ARHGAP17: variants seen among roughly 807,000 people sequenced by gnomAD.
The protein encoded by ARHGAP17 is rho GTPase-activating protein 17.
Under a neutral mutation model 99.5 loss-of-function variants are expected in ARHGAP17, and 57 were observed. The ratio of observed to expected loss-of-function variants is 0.57; its 90% CI spans 0.46 to 0.71. The LOEUF is 0.71. ARHGAP17 is among the 30% of genes least tolerant of loss of function. The pLI is 0.00. For synonymous variants in ARHGAP17, 417 were observed against 429.6 expected, an observed-to-expected ratio of 0.97 and a Z score of 0.36; for missense variants, 1,000 against 1,122.4, an observed-to-expected ratio of 0.89 and a Z score of 1.56.
intron 17 of ARHGAP17, chr16:24,936,276 A>T (rs2051136542): frequency 6.4e-6 from 1 of 156,388 alleles, no homozygotes; most frequent in South Asian, 1.9e-4. Flanking sequence ...CAGGATAGAG[A>T]TCAGAATTCA....
intron 19 of ARHGAP17, among the ~76,000 whole-genome samples, chr16:24,923,346 C>T (rs1335049860): frequency 1.3e-5 from 2 of 152,136 alleles, no homozygotes; most frequent in Non-Finnish European, 2.9e-5. Flanking sequence ...CTGTAAGAAC[C>T]TGGTTTGTCT....
chr16:24,975,961 T>C (rs953931517), intron 3 of ARHGAP17, among the ~76,000 whole-genome samples: 3 of 152,078 alleles, frequency 2.0e-5, no homozygotes, highest in African/African-American at 7.2e-5. Context: ...TCTATACTAG[T>C]ATCCTGATTT....
chr16:24,932,624 G>C (rs1289745818), intron 18 of ARHGAP17, among the ~76,000 whole-genome samples: 1 of 152,114 alleles, frequency 6.6e-6, no homozygotes, highest in Non-Finnish European at 1.5e-5. Context: ...TGAGTTAATA[G>C]ATATGTCCTG....
At chr16:24,970,643 T>C in intron 3 of ARHGAP17, 63 bp from the exon 4 acceptor site, 1 of 1,434,318 alleles carries the variant, frequency 7.0e-7, no homozygotes, top group South Asian at 1.1e-5. Context: ...AATGATCTTT[T>C]TCAGATCATC....
chr16:24,969,062 A>G (rs539605017), intron 4 of ARHGAP17, among the ~76,000 whole-genome samples: 1 of 152,228 alleles, frequency 6.6e-6, no homozygotes, highest in Non-Finnish European at 1.5e-5. Flanking sequence ...AGTCAGGTGA[A>G]AGCCAAGTGT....
intron 1 of ARHGAP17, among the ~76,000 whole-genome samples, chr16:25,014,458 G>A (rs1302754837): frequency 6.6e-6 from 1 of 152,210 alleles, no homozygotes; most frequent in African/African-American, 2.4e-5. Flanking sequence ...AACGTTTCTT[G>A]TTAAGCACTT....
chr16:25,007,147 GATAA>G (rs1240733150), intron 1 of ARHGAP17, among the ~76,000 whole-genome samples: 1 of 152,160 alleles, frequency 6.6e-6, no homozygotes, highest in Non-Finnish European at 1.5e-5. Flanking sequence ...CCTTTTCCAA[GATAA>G]ATAAGTTTAA....
At position 24,941,874 on chromosome 16, in the gene ARHGAP17, G is replaced by A. The variant is rs192058647; in HGVS notation, c.1490+113C>T. ...TCCAGAAACTATCTGGACACCATCA[G>A]TCATGGGTGGATGGCGACCACTCTC... On this transcript the variant is annotated intron_variant, in intron 16 of 19. Coordinates refer to ENST00000289968, the MANE Select transcript of ARHGAP17 (RefSeq NM_001006634.3). 3 of 1,431,104 alleles carry A rather than the reference G, an allele frequency of 2.1e-6. No individual in the cohort carries two copies. The Admixed American group carries it at 5.1e-5, about 24-fold the overall frequency. The allele number at this position is 1,431,104 out of a possible 1,614,324, so 88.7% of individuals were successfully genotyped here.
chr16:24,927,114 TA>T (rs1184855366), intron 19 of ARHGAP17, among the ~76,000 whole-genome samples: 1 of 151,574 alleles, frequency 6.6e-6, no homozygotes, highest in African/African-American at 2.4e-5. Context: ...CTACTAAAAA[TA>T]AAAAAAATAG....
intron 1 of ARHGAP17, among the ~76,000 whole-genome samples, chr16:25,002,756 T>C (rs578066444): frequency 2.8e-4 from 43 of 152,218 alleles, no homozygotes; most frequent in African/African-American, 1.0e-3. Flanking sequence ...AAACTGGTTC[T>C]GGCTGGGCGC....
rs749332825 is a variant in ARHGAP17, at chr16:24,935,462, C to G, written c.1894+8G>C. The G allele has an allele frequency of 1.3e-6, 2 of 1,580,234 alleles. No homozygotes were observed. The highest frequency in any genetic ancestry group is 4.6e-5 in the East Asian group (2 of 43,890). On this transcript the variant is annotated splice_region_variant and intron_variant, in intron 18 of 19. Transcript: ENST00000289968. Reference sequence around the variant, plus strand: ...TCCCTGAGGGCAAGGAGGACGGTGGCTGCTTACCTCGGCGCAGTGTATGCG... The same window carrying G: ...TCCCTGAGGGCAAGGAGGACGGTGGGTGCTTACCTCGGCGCAGTGTATGCG...
chr16:24,938,868 G>A (rs1468749080), intron 17 of ARHGAP17, among the ~76,000 whole-genome samples: 1 of 152,180 alleles, frequency 6.6e-6, no homozygotes, highest in African/African-American at 2.4e-5. Context: ...AAATCTGGGG[G>A]TGTGGAGTGG....
In ARHGAP17 at chr16:25,003,230, C is replaced by CTTTTT. The variant is rs564573463; in HGVS notation, c.53+11974_53+11978dup. 6.3e-4 allele frequency among the ~76,000 whole-genome samples: 57 copies of CTTTTT among 90,740 alleles called. 1 individual carries two copies. The highest frequency in any genetic ancestry group is 1.1e-3 in the African/African-American group (32 of 28,442). The allele number at this position is 90,740 out of a possible 152,430, so 59.5% of individuals were successfully genotyped here. Reference sequence around the variant, plus strand: ...AAACAAGAGTATGCTAGCTTTAAAGCTTTTTTTTTTTTTTTTTTTTTTGAG... The same window carrying CTTTTT: ...AAACAAGAGTATGCTAGCTTTAAAGCTTTTTTTTTTTTTTTTTTTTTTTTTTTGAG... On this transcript the variant is annotated intron_variant, in intron 1 of 19. Coordinates refer to ENST00000289968, the MANE Select transcript of ARHGAP17 (RefSeq NM_001006634.3).
intron 1 of ARHGAP17, among the ~76,000 whole-genome samples, chr16:24,999,442 G>T (rs369783921): frequency 6.7e-6 from 1 of 150,254 alleles, no homozygotes; most frequent in East Asian, 1.9e-4. Context: ...TTAGAGATGG[G>T]GTTTCACTCT....
intron 6 of ARHGAP17, 139 bp downstream of exon 6, chr16:24,968,212 G>C (rs986083714): frequency 1.2e-6 from 1 of 831,910 alleles, no homozygotes; most frequent in Non-Finnish European, 2.0e-6. Flanking sequence ...AGGCCTATAG[G>C]AGGTGCTGGC....
intron 1 of ARHGAP17, among the ~76,000 whole-genome samples, chr16:25,008,386 C>T (rs1263101661): frequency 6.6e-6 from 1 of 152,168 alleles, no homozygotes; most frequent in Non-Finnish European, 1.5e-5. Flanking sequence ...CATATTATTA[C>T]TTTTAGAAAA....
At chr16:24,983,511 C>T (rs2052765360) in intron 1 of ARHGAP17, among the ~76,000 whole-genome samples, 1 of 151,002 alleles carries the variant, frequency 6.6e-6, no homozygotes, top group Non-Finnish European at 1.5e-5. Flanking sequence ...CACTACATTG[C>T]CCAGGCTGGT....
chr16:25,011,656 G>A (rs1426176289), intron 1 of ARHGAP17, among the ~76,000 whole-genome samples: 1 of 149,534 alleles, frequency 6.7e-6, no homozygotes, highest in East Asian at 2.0e-4. Context: ...AGTGAGCCGC[G>A]CCACTACACT....
chr16:25,008,780 G>A (rs2053570875), intron 1 of ARHGAP17, among the ~76,000 whole-genome samples: 1 of 152,048 alleles, frequency 6.6e-6, no homozygotes, highest in African/African-American at 2.4e-5. Flanking sequence ...ATCCTTTTAT[G>A]GTTCAAATTT....
Sources: allele counts gnomAD v4.1 joint callset (sites outside exome capture counted in the v4.1 genomes callset), GRCh38; gene constraint gnomAD v4.1.1; transcripts MANE v1.5; gene names NCBI Gene and HGNC (gene_info 2026-07-23, HGNC 2026-07-21).